The following ESRRG variants were observed in gnomAD, a reference collection of about 807,000 sequenced individuals.
ESRRG encodes the protein estrogen related receptor gamma, also known as estrogen-related receptor gamma.
Under a neutral mutation model 44.0 loss-of-function variants are expected in ESRRG, and 13 were observed. That is an observed-to-expected ratio of 0.30 (90% CI 0.19 to 0.47). ESRRG has a LOEUF of 0.47. Ranked by LOEUF, ESRRG falls within the 20% of genes least tolerant of loss-of-function variation. The pLI, the probability that ESRRG is intolerant of heterozygous loss-of-function variation, is 1.00. For missense variants in ESRRG, 395 were observed against 580.6 expected (o/e 0.68, Z 3.29); for synonymous variants, 215 against 214.6 (o/e 1.00, Z -0.02).
At chr1:216,661,176 C>T (rs2072281076) in intron 2 of ESRRG, among the ~76,000 whole-genome samples, 1 of 152,126 alleles carries the variant, frequency 6.6e-6, no homozygotes, top group African/African-American at 2.4e-5. Flanking sequence ...AATGCATATC[C>T]TACATGATGT....
At chr1:216,717,952 A>T (rs2085276815) in intron 1 of ESRRG, among the ~76,000 whole-genome samples, 1 of 151,816 alleles carries the variant, frequency 6.6e-6, no homozygotes, top group Admixed American at 6.6e-5. Context: ...TTTCTTGGAT[A>T]TGGGCCCAAA....
intron 1 of ESRRG, among the ~76,000 whole-genome samples, chr1:217,021,430 T>C (rs533049919): frequency 3.1e-4 from 47 of 152,314 alleles, no homozygotes; most frequent in African/African-American, 9.4e-4. Flanking sequence ...TGAATAGGAA[T>C]TGGTCATCAA....
intron 1 of ESRRG, among the ~76,000 whole-genome samples, chr1:217,034,714 G>A (rs1012012556): frequency 6.6e-6 from 1 of 152,182 alleles, no homozygotes; most frequent in Non-Finnish European, 1.5e-5. Context: ...GGCAGCGTTG[G>A]TCCACGCTCC....
intron 1 of ESRRG, among the ~76,000 whole-genome samples, chr1:217,024,935 C>T (rs1021565680): frequency 1.3e-5 from 2 of 152,200 alleles, no homozygotes; most frequent in Non-Finnish European, 2.9e-5. Flanking sequence ...CATCCTTCCA[C>T]TTACATAGGA....
chr1:217,030,701 A>G lies in ESRRG; in HGVS notation c.-106+58806T>C, dbSNP rs145312704. Among the ~76,000 whole-genome samples the G allele has an allele frequency of 3.9e-5, 6 of 152,340 alleles. No individual in the cohort carries two copies. The East Asian group carries it at 1.2e-3, about 29-fold the overall frequency. On this transcript the variant is annotated intron_variant, in intron 1 of 7. Coordinates refer to the ESRRG transcript ENST00000359162. Reference sequence around the variant, plus strand: ...GAGCATTTGTCAAATTTTACATTATAAACATGTTCCAGGGTTGTGTTGTCC... The same window carrying G: ...GAGCATTTGTCAAATTTTACATTATGAACATGTTCCAGGGTTGTGTTGTCC...
chr1:216,615,823 G>A (rs1472151594), intron 3 of ESRRG, among the ~76,000 whole-genome samples: 1 of 151,394 alleles, frequency 6.6e-6, no homozygotes, highest in African/African-American at 2.4e-5. Flanking sequence ...GAGTAGGAGG[G>A]ATTACAGGCA....
rs1240302050 is a variant in ESRRG, at chr1:216,519,160, G to A, written c.1124C>T (p.Ala375Val). ...EFVTLKAIAL[A>V]NSDSMHIEDV... ...TATGTCAGTATGCCAACCTGAATTA[G>A]CAAGAGCTATAGCTTTGAGGGTGAC... Residue 375 changes from alanine to valine, a missense_variant, in exon 6 of 7, where the codon GCT (alanine) becomes GTT (valine). Physicochemically the swap from Ala to Val is moderately conservative, Grantham distance 64. Around this residue, in one of 5 missense-constraint regions of ESRRG, gnomAD observed 167 missense variants for 251.8 expected, o/e 0.66. Coordinates refer to ENST00000408911, the MANE Select transcript of ESRRG (RefSeq NM_001438.4). 6.2e-7 allele frequency: 1 copy of A among 1,613,424 alleles called. No homozygotes were observed. Among genetic ancestry groups the A allele is most frequent in the South Asian group, 1.1e-5 (1 of 91,046 alleles).
At chr1:216,626,742 C>T (rs1461809412) in intron 3 of ESRRG, among the ~76,000 whole-genome samples, 1 of 152,166 alleles carries the variant, frequency 6.6e-6, no homozygotes, top group Admixed American at 6.5e-5. Context: ...TTGTTTCTAC[C>T]CTAGATTATT....
intron 3 of ESRRG, among the ~76,000 whole-genome samples, chr1:216,606,904 C>A (rs1425846624): frequency 6.6e-6 from 1 of 152,102 alleles, no homozygotes; most frequent in Non-Finnish European, 1.5e-5. Context: ...TGCACAGCAC[C>A]ACTGTTGAGG....
At chr1:216,940,515 G>A (rs1578417034) in intron 1 of ESRRG, among the ~76,000 whole-genome samples, 1 of 152,264 alleles carries the variant, frequency 6.6e-6, no homozygotes, top group East Asian at 1.9e-4. Context: ...ACAGGAGGCT[G>A]GAATGCCCCT....
At chr1:216,909,898 A>G (rs1359766458) in intron 2 of ESRRG, among the ~76,000 whole-genome samples, 2 of 152,166 alleles carry the variant, frequency 1.3e-5, no homozygotes, top group African/African-American at 4.8e-5. Flanking sequence ...AAAACCCACA[A>G]ATGAACAAAA....
At chr1:216,888,792 G>A (rs759605999) in intron 2 of ESRRG, among the ~76,000 whole-genome samples, 7 of 152,112 alleles carry the variant, frequency 4.6e-5, no homozygotes, top group Non-Finnish European at 8.8e-5. Context: ...CTGAGAAAGC[G>A]TTTACGTTCT....
chr1:216,802,560 T>G (rs2094656747), intron 2 of ESRRG, among the ~76,000 whole-genome samples: 1 of 152,164 alleles, frequency 6.6e-6, no homozygotes, highest in African/African-American at 2.4e-5. Context: ...GTTGAAACAT[T>G]ATTCAGAATT....
At chr1:216,676,869 G>A (rs2076200291) in intron 2 of ESRRG, among the ~76,000 whole-genome samples, 1 of 152,176 alleles carries the variant, frequency 6.6e-6, no homozygotes, top group Non-Finnish European at 1.5e-5. Flanking sequence ...AAGCTTAACA[G>A]TAAGAGGAAA....
chr1:216,669,595 G>A (rs1318922159), intron 2 of ESRRG, among the ~76,000 whole-genome samples: 1 of 152,214 alleles, frequency 6.6e-6, no homozygotes, highest in Non-Finnish European at 1.5e-5. Flanking sequence ...CAAGTTAAGA[G>A]TTAAAGTAGG....
intron 2 of ESRRG, among the ~76,000 whole-genome samples, chr1:216,656,399 T>G (rs187171626): frequency 1.3e-5 from 2 of 152,164 alleles, no homozygotes; most frequent in Non-Finnish European, 2.9e-5. Flanking sequence ...GATAGAGCAA[T>G]TTATAATATC....
intron 1 of ESRRG, among the ~76,000 whole-genome samples, chr1:216,977,688 T>C (rs1194874095): frequency 6.6e-6 from 1 of 152,132 alleles, no homozygotes; most frequent in East Asian, 1.9e-4. Flanking sequence ...CATCCTGCAT[T>C]GGTGGCTAAG....
intron 1 of ESRRG, among the ~76,000 whole-genome samples, chr1:217,121,717 A>G (rs2092822177): frequency 6.6e-6 from 1 of 152,208 alleles, no homozygotes. Context: ...ACCTGGGAAG[A>G]TGGCTGAGTA....
intron 2 of ESRRG, among the ~76,000 whole-genome samples, chr1:216,745,951 A>G (rs1315477132): frequency 6.6e-6 from 1 of 152,228 alleles, no homozygotes; most frequent in Non-Finnish European, 1.5e-5. Context: ...GCTTTAATGT[A>G]GAGTTTGTTT....
Sources: allele counts gnomAD v4.1 joint callset (sites outside exome capture counted in the v4.1 genomes callset), GRCh38; gene constraint gnomAD v4.1.1; regional missense constraint gnomAD v4.1.1; transcripts MANE v1.5; gene names NCBI Gene and HGNC (gene_info 2026-07-23, HGNC 2026-07-21).